Variants in MICAL2 observed in about 807,000 individuals in gnomAD.
MICAL2 encodes [F-actin]-monooxygenase MICAL2.
MICAL2 carries 77 observed loss-of-function variants against 127.3 expected under a neutral mutation model. The observed-to-expected ratio is 0.60, with a 90% CI of 0.50 to 0.73. MICAL2 has a LOEUF of 0.73. Among genes scored for constraint, MICAL2 ranks in the 30% least tolerant of loss-of-function variants. The probability of loss-of-function intolerance (pLI) is 0.00; values close to 1 mark genes in which losing one functional copy is unlikely to be tolerated. For missense variants in MICAL2, 1,351 were observed against 1,434.4 expected, an observed-to-expected ratio of 0.94 and a Z score of 0.94; for synonymous variants, 570 against 551.1, an observed-to-expected ratio of 1.03 and a Z score of -0.48.
intron 2 of MICAL2, among the ~76,000 whole-genome samples, chr11:12,283,890 C>T (rs1863797266): frequency 1.3e-5 from 2 of 152,158 alleles, no homozygotes; most frequent in South Asian, 4.1e-4. Flanking sequence ...ACATCAGGGT[C>T]AGGGATTCGT....
chr11:12,163,288 C>T (rs1444462805), intron 3 of MICAL2, among the ~76,000 whole-genome samples: 1 of 152,204 alleles, frequency 6.6e-6, no homozygotes, highest in Non-Finnish European at 1.5e-5. Context: ...TTGGGGACTA[C>T]CAGCCCTGAG....
At chr11:12,276,082 C>T (rs1863719773) in exon 1 of MICAL2, 1 of 399,110 alleles carries the variant, frequency 2.5e-6, no homozygotes, top group South Asian at 1.3e-4. Context: ...TCCGAGTGGA[C>T]CTCAGTGAGG....
At chr11:12,345,563 T>C (rs968762270) in intron 32 of MICAL2, among the ~76,000 whole-genome samples, 3 of 152,162 alleles carry the variant, frequency 2.0e-5, no homozygotes, top group Non-Finnish European at 4.4e-5. Flanking sequence ...CTGGATAAAA[T>C]ATTCAAAAGA....
At chr11:12,229,606 A>G (rs1179503844) in intron 15 of MICAL2, among the ~76,000 whole-genome samples, 1 of 152,138 alleles carries the variant, frequency 6.6e-6, no homozygotes, top group Non-Finnish European at 1.5e-5. Context: ...GGATGTTTCC[A>G]CCTTTCACTC....
At chr11:12,220,632 G>A (rs1856709873) in intron 9 of MICAL2, among the ~76,000 whole-genome samples, 174 bp downstream of exon 9, 1 of 152,248 alleles carries the variant, frequency 6.6e-6, no homozygotes, top group Admixed American at 6.5e-5. Context: ...TGCACTCAGA[G>A]GAGCCTATTC....
intron 32 of MICAL2, among the ~76,000 whole-genome samples, chr11:12,341,265 T>G (rs1938859331): frequency 1.3e-5 from 2 of 152,086 alleles, no homozygotes; most frequent in Admixed American, 1.3e-4. Flanking sequence ...TCAGTGAAGA[T>G]GAAGACTACA....
downstream of MICAL2, among the ~76,000 whole-genome samples, chr11:12,292,531 A>C (rs1863918749): frequency 6.6e-6 from 1 of 152,188 alleles, no homozygotes; most frequent in African/African-American, 2.4e-5. Flanking sequence ...TTCCCTCAGC[A>C]AACTTTACAG....
chr11:12,345,044 G>A (rs1409348405), intron 32 of MICAL2, among the ~76,000 whole-genome samples: 1 of 151,308 alleles, frequency 6.6e-6, no homozygotes, highest in Non-Finnish European at 1.5e-5. Flanking sequence ...CCCGGGAGGC[G>A]GAGCTTGCAG....
At chr11:12,268,938 G>T (rs1034251226) in intron 24 of MICAL2, among the ~76,000 whole-genome samples, 2 of 152,142 alleles carry the variant, frequency 1.3e-5, no homozygotes, top group African/African-American at 4.8e-5. Context: ...GGCGGAGCTT[G>T]CAGTGAGCCA....
At chr11:12,273,718 C>T (rs535312737), upstream of MICAL2, among the ~76,000 whole-genome samples, 163 of 152,194 alleles carry the variant, frequency 1.1e-3, no homozygotes, top group African/African-American at 3.9e-3. Flanking sequence ...GCATGGAGAA[C>T]CCAGGTGTTT....
At chr11:12,154,463 T>A (rs1853946079) in intron 2 of MICAL2, among the ~76,000 whole-genome samples, 2 of 152,224 alleles carry the variant, frequency 1.3e-5, no homozygotes, top group Non-Finnish European at 2.9e-5. Context: ...TGCATGTTCC[T>A]GGTAGAAACT....
intron 32 of MICAL2, among the ~76,000 whole-genome samples, chr11:12,343,694 G>A (rs373853919): frequency 6.6e-6 from 1 of 152,190 alleles, no homozygotes; most frequent in Non-Finnish European, 1.5e-5. Context: ...CAGCAAAATA[G>A]TGTCTTGAAA....
chr11:12,317,991 A>C (rs781059506), intron 29 of MICAL2, among the ~76,000 whole-genome samples: 1 of 152,234 alleles, frequency 6.6e-6, no homozygotes, highest in Non-Finnish European at 1.5e-5. Flanking sequence ...TTTCAACTTA[A>C]GTTTATGTTT....
intron 3 of MICAL2, among the ~76,000 whole-genome samples, chr11:12,168,413 A>G (rs1454924515): frequency 6.6e-6 from 1 of 151,132 alleles, no homozygotes; most frequent in Non-Finnish European, 1.5e-5. Context: ...ACATTCATAC[A>G]TACCCCCCAC....
At chr11:12,280,425 G>T (rs1208292754) in intron 1 of MICAL2, among the ~76,000 whole-genome samples, 1 of 152,208 alleles carries the variant, frequency 6.6e-6, no homozygotes, top group East Asian at 1.9e-4. Context: ...AGACTGGGTG[G>T]CTGAAACAAC....
chr11:12,285,942 T>G (rs1289031443), intron 2 of MICAL2, among the ~76,000 whole-genome samples: 1 of 152,200 alleles, frequency 6.6e-6, no homozygotes, highest in Non-Finnish European at 1.5e-5. Context: ...CACATTCAGA[T>G]GTTCACCGTC....
chr11:12,319,155 C>G (rs1382440336), intron 29 of MICAL2, among the ~76,000 whole-genome samples: 1 of 151,060 alleles, frequency 6.6e-6, no homozygotes, highest in Non-Finnish European at 1.5e-5. Flanking sequence ...TTTTTTTTTT[C>G]TATGACCAGA....
chr11:12,135,861 G>A (rs920770423), intron 1 of MICAL2, among the ~76,000 whole-genome samples: 2 of 152,168 alleles, frequency 1.3e-5, no homozygotes, highest in Non-Finnish European at 2.9e-5. Context: ...CTGAGGGGTC[G>A]GCTGTGAGGT....
chr11:12,352,417 A>G (rs566477375), intron 33 of MICAL2, among the ~76,000 whole-genome samples: 1 of 152,212 alleles, frequency 6.6e-6, no homozygotes, highest in African/African-American at 2.4e-5. Context: ...GAAGAGCTCC[A>G]TGGCGACAGA....
Sources: allele counts gnomAD v4.1 joint callset (sites outside exome capture counted in the v4.1 genomes callset), GRCh38; gene constraint gnomAD v4.1.1; transcripts MANE v1.5; gene names NCBI Gene and HGNC (gene_info 2026-07-23, HGNC 2026-07-21).